GALK2: variants seen among roughly 807,000 people sequenced by gnomAD.
The protein encoded by GALK2 is N-acetylgalactosamine kinase.
In GALK2, 36 loss-of-function variants were observed where a neutral mutation model predicts 52.4. The observed-to-expected ratio is 0.69, with a 90% CI of 0.53 to 0.91. The LOEUF is 0.91. Among genes scored for constraint, GALK2 ranks in the 40% least tolerant of loss-of-function variants. The pLI is 0.00. For missense variants in GALK2, 579 were observed against 559.1 expected (o/e 1.04, Z -0.36); for synonymous variants, 176 against 199.1 (o/e 0.88, Z 0.98).
At chr15:49,265,477 C>T (rs560938858) in intron 5 of GALK2, among the ~76,000 whole-genome samples, 12 of 152,354 alleles carry the variant, frequency 7.9e-5, no homozygotes, top group Non-Finnish European at 1.8e-4. Context: ...TGTCTGTCAC[C>T]CCTTTCTTTG....
chr15:49,354,582 G>C (rs529165349), intron 3 of GALK2, among the ~76,000 whole-genome samples: 2 of 152,202 alleles, frequency 1.3e-5, no homozygotes, highest in East Asian at 3.9e-4. Context: ...CCCGCACCTG[G>C]CTGGAAGGGT....
intron 5 of GALK2, 52 bp downstream of exon 5, chr15:49,239,419 G>A: frequency 2.6e-6 from 4 of 1,544,744 alleles, no homozygotes; most frequent in South Asian, 1.1e-5. Context: ...ATAATCATTA[G>A]CATCCAAATC....
chr15:49,346,196 T>C (rs2041480089), intron 3 of GALK2, among the ~76,000 whole-genome samples: 1 of 152,224 alleles, frequency 6.6e-6, no homozygotes. Flanking sequence ...GGCCAGCTCC[T>C]GTCCAATTCA....
intron 3 of GALK2, 97 bp from the exon 4 acceptor site, chr15:49,235,754 G>T (rs895466475): frequency 2.5e-6 from 2 of 810,468 alleles, no homozygotes; most frequent in Non-Finnish European, 4.4e-6. Context: ...AGGAGAGTCA[G>T]TATCGCTGTG....
intron 1 of GALK2, among the ~76,000 whole-genome samples, chr15:49,192,207 AAAG>A (rs2086773894): frequency 6.6e-6 from 1 of 152,056 alleles, no homozygotes; most frequent in Non-Finnish European, 1.5e-5. Context: ...CTTTTGAAAT[AAAG>A]ATCTGGGCAT....
chr15:49,267,825 T>C (rs762698081), intron 5 of GALK2, among the ~76,000 whole-genome samples: 13 of 152,226 alleles, frequency 8.5e-5, no homozygotes, highest in Admixed American at 2.6e-4. Context: ...AAATATTGAC[T>C]ATAATGAATT....
intron 6 of GALK2, among the ~76,000 whole-genome samples, chr15:49,283,343 A>C (rs2169931): frequency 0.06 from 9,179 of 152,208 alleles, 553 homozygotes; most frequent in African/African-American, 0.15. Flanking sequence ...TGTCTACTAG[A>C]CTGTCTTTCC....
At chr15:49,232,485 T>A (rs1407352835) in intron 3 of GALK2, among the ~76,000 whole-genome samples, 1 of 152,252 alleles carries the variant, frequency 6.6e-6, no homozygotes, top group Non-Finnish European at 1.5e-5. Context: ...AGCATTTGAC[T>A]ATTCTTTACT....
intron 2 of GALK2, among the ~76,000 whole-genome samples, chr15:49,213,390 T>G (rs2089096339): frequency 6.6e-6 from 1 of 152,128 alleles, no homozygotes; most frequent in South Asian, 2.1e-4. Flanking sequence ...AAATGCAGAA[T>G]GTGTAGGTTT....
intron 2 of GALK2, among the ~76,000 whole-genome samples, chr15:49,204,826 T>A (rs146490510): frequency 1.1e-4 from 17 of 152,266 alleles, no homozygotes; most frequent in South Asian, 6.2e-4. Context: ...TGCACTGTAT[T>A]TGTAGTCTTC....
At position 49,285,102 on chromosome 15, in the gene GALK2, A is replaced by G. The variant is rs1003780612; in HGVS notation, c.756+1384A>G. 3.3e-5 allele frequency among the ~76,000 whole-genome samples: 5 copies of G among 152,064 alleles called. No individual in the cohort carries two copies. In the East Asian group the frequency reaches 9.6e-4, roughly 29 times the overall value. ...CCCTCTTATTCCTTAATTTACTAAA[A>G]TCTCACTTCTGCGTTCTCCACAATG... On this transcript the variant is annotated intron_variant, in intron 7 of 9. Transcript: ENST00000560031.
intron 1 of GALK2, among the ~76,000 whole-genome samples, chr15:49,192,270 C>T (rs1056418255): frequency 5.3e-5 from 8 of 151,790 alleles, no homozygotes; most frequent in Non-Finnish European, 8.8e-5. Context: ...GCCATCTCAG[C>T]AGATAAAGCA....
intron 3 of GALK2, among the ~76,000 whole-genome samples, chr15:49,225,639 T>A (rs1181110272): frequency 6.6e-6 from 1 of 152,208 alleles, no homozygotes; most frequent in Non-Finnish European, 1.5e-5. Flanking sequence ...GAGGGAGAGA[T>A]GCCCTTCTCT....
chr15:49,255,822 G>A (rs1377901416), intron 5 of GALK2, among the ~76,000 whole-genome samples: 6 of 152,052 alleles, frequency 3.9e-5, no homozygotes, highest in African/African-American at 1.4e-4. Flanking sequence ...AATAATGCAT[G>A]TTTGTCAAAT....
chr15:49,194,804 A>G (rs1329301338), intron 1 of GALK2, among the ~76,000 whole-genome samples: 1 of 151,292 alleles, frequency 6.6e-6, no homozygotes, highest in Non-Finnish European at 1.5e-5. Flanking sequence ...CATGTCGGTC[A>G]GGCTGGTCTT....
Position 49,327,953 on chromosome 15 carries a change from A to C in GALK2, c.1171A>C (p.Lys391Gln). Residue 391 changes from lysine (K) to glutamine (Q), a missense_variant and splice_region_variant, in exon 10 of 10, where the codon AAG becomes CAG. Transcript: ENST00000560031. ...ATATTTTTTTCCTCACTGTTTTAGG[A>C]AGTTTGGGGCTCAAGGGTCACGACT... ...ELDQLVDICR[K>Q]FGAQGSRLTG... 1 of 1,606,148 alleles carries C rather than the reference A, an allele frequency of 6.2e-7. No homozygotes were observed. Among genetic ancestry groups the C allele is most frequent in the Non-Finnish European group, 8.5e-7 (1 of 1,175,440 alleles).
At chr15:49,268,171 C>G (rs1329271253) in intron 5 of GALK2, among the ~76,000 whole-genome samples, 3 of 152,156 alleles carry the variant, frequency 2.0e-5, no homozygotes, top group Non-Finnish European at 2.9e-5. Flanking sequence ...GACTCCTCCC[C>G]TCATGGAGCT....
chr15:49,252,425 A>G (rs768466880), intron 5 of GALK2, among the ~76,000 whole-genome samples: 8 of 152,182 alleles, frequency 5.3e-5, no homozygotes, highest in Non-Finnish European at 1.0e-4. Context: ...CGGTCATACT[A>G]TAATGCCCAA....
At chr15:49,314,089 A>G (rs907095816) in intron 8 of GALK2, among the ~76,000 whole-genome samples, 4 of 152,238 alleles carry the variant, frequency 2.6e-5, no homozygotes, top group Admixed American at 2.6e-4. Flanking sequence ...CAGAGATCCA[A>G]TAAAATAACC....
Sources: gnomAD v4.1 joint callset for allele counts (sites outside exome capture counted in the v4.1 genomes callset) on GRCh38, gnomAD v4.1.1 for gene constraint, MANE v1.5 for transcripts, NCBI Gene and HGNC (gene_info 2026-07-23, HGNC 2026-07-21) for gene names.